The following LYPD6B variants were observed in gnomAD, a reference collection of about 807,000 sequenced individuals.
LYPD6B encodes LY6/PLAUR domain containing 6B.
In LYPD6B, 17 loss-of-function variants were observed where a neutral mutation model predicts 22.8. The ratio of observed to expected loss-of-function variants is 0.75; its 90% confidence interval spans 0.51 to 1.12. LYPD6B has a LOEUF of 1.12. LYPD6B is among the 50% of genes most tolerant of loss of function. The pLI, the probability that LYPD6B is intolerant of heterozygous loss-of-function variation, is 0.00. For synonymous variants in LYPD6B, 106 were observed against 91.6 expected, an observed-to-expected ratio of 1.16 and a Z score of -0.90; for missense variants, 221 against 258.3, an observed-to-expected ratio of 0.86 and a Z score of 0.99.
chr2:149,213,193 G>A (rs1209732005), intron 6 of LYPD6B, 71 bp downstream of exon 6: 8 of 1,574,100 alleles, frequency 5.1e-6, no homozygotes, highest in Non-Finnish European at 6.9e-6. Flanking sequence ...TCAAAGGAGA[G>A]GCAGGAAGGA....
At chr2:149,189,914 T>C (rs193153634) in intron 3 of LYPD6B, among the ~76,000 whole-genome samples, 1 of 152,326 alleles carries the variant, frequency 6.6e-6, no homozygotes, top group Admixed American at 6.5e-5. Context: ...AAGTCATTGG[T>C]CCATTAGAGA....
At chr2:149,118,446 T>G (rs1230523128) in intron 1 of LYPD6B, among the ~76,000 whole-genome samples, 1 of 152,222 alleles carries the variant, frequency 6.6e-6, no homozygotes, top group African/African-American at 2.4e-5. Flanking sequence ...CGAGTAAGGC[T>G]CTCAGGGCAG....
intron 3 of LYPD6B, among the ~76,000 whole-genome samples, chr2:149,187,268 C>T (rs1692175571): frequency 6.6e-6 from 1 of 152,056 alleles, no homozygotes; most frequent in South Asian, 2.1e-4. Context: ...TGGTAATTTC[C>T]AGAAACATGT....
intron 2 of LYPD6B, among the ~76,000 whole-genome samples, chr2:149,146,257 G>A (rs1312133880): frequency 6.6e-6 from 1 of 152,178 alleles, no homozygotes; most frequent in African/African-American, 2.4e-5. Context: ...CCTTTATTAG[G>A]TGGAGTTAAT....
intron 2 of LYPD6B, among the ~76,000 whole-genome samples, chr2:149,160,156 CA>C (rs201785489): frequency 1.1e-4 from 17 of 148,974 alleles, no homozygotes; most frequent in East Asian, 2.0e-4. Context: ...CATCTCTTAC[CA>C]AAAAAAAAGG....
chr2:149,171,126 C>T (rs1003260100), intron 3 of LYPD6B, among the ~76,000 whole-genome samples: 2 of 152,138 alleles, frequency 1.3e-5, no homozygotes, highest in African/African-American at 4.8e-5. Flanking sequence ...CTCTGGGACT[C>T]TCAGATAAGG....
intron 2 of LYPD6B, among the ~76,000 whole-genome samples, chr2:149,146,398 T>A (rs1211918199): frequency 6.6e-6 from 1 of 151,932 alleles, no homozygotes; most frequent in African/African-American, 2.4e-5. Context: ...CCAGAGGCTC[T>A]GCGGAAGGAT....
chr2:149,064,843 C>T (rs1684250885), intron 1 of LYPD6B, among the ~76,000 whole-genome samples: 1 of 152,202 alleles, frequency 6.6e-6, no homozygotes, highest in Admixed American at 6.5e-5. Context: ...AACGTGGAGG[C>T]CTCTCAGCCA....
At chr2:149,096,719 C>T in intron 1 of LYPD6B, among the ~76,000 whole-genome samples, 1 of 152,018 alleles carries the variant, frequency 6.6e-6, no homozygotes, top group East Asian at 1.9e-4. Context: ...TGTCTTTTTC[C>T]TAAGCTTACT....
At chr2:149,120,574 G>A (rs1376578951) in intron 1 of LYPD6B, among the ~76,000 whole-genome samples, 2 of 147,622 alleles carry the variant, frequency 1.4e-5, no homozygotes, top group African/African-American at 2.5e-5. Flanking sequence ...TAGTAGAGAC[G>A]GGGTTTCACC....
chr2:149,097,319 G>A (rs1300568951), intron 1 of LYPD6B, among the ~76,000 whole-genome samples: 1 of 152,206 alleles, frequency 6.6e-6, no homozygotes, highest in East Asian at 1.9e-4. Flanking sequence ...TGCTTAAATT[G>A]CAGTCTTCCC....
At chr2:149,127,096 A>G (rs1687744310) in intron 1 of LYPD6B, among the ~76,000 whole-genome samples, 1 of 151,482 alleles carries the variant, frequency 6.6e-6, no homozygotes, top group South Asian at 2.1e-4. Context: ...TCATTTTCTT[A>G]AAGTCTCTTT....
chr2:149,043,760 G>T (rs1205503201), intron 1 of LYPD6B, among the ~76,000 whole-genome samples: 1 of 152,026 alleles, frequency 6.6e-6, no homozygotes, highest in Non-Finnish European at 1.5e-5. Flanking sequence ...CATGTTTTAT[G>T]TTTTACACTT....
intron 1 of LYPD6B, among the ~76,000 whole-genome samples, chr2:149,079,365 AT>A (rs1685020685): frequency 6.6e-6 from 1 of 152,202 alleles, no homozygotes; most frequent in African/African-American, 2.4e-5. Context: ...GCCATACCTG[AT>A]CCATAATAAC....
At chr2:149,153,897 A>C (rs1450445628) in intron 2 of LYPD6B, 1 of 156,972 alleles carries the variant, frequency 6.4e-6, no homozygotes, top group Non-Finnish European at 1.4e-5. Flanking sequence ...TTTGCAGGGC[A>C]CAGCTGATGC....
At chr2:149,208,090 C>A (rs1575182835) in intron 4 of LYPD6B, among the ~76,000 whole-genome samples, 2 of 152,214 alleles carry the variant, frequency 1.3e-5, no homozygotes, top group East Asian at 3.9e-4. Context: ...ACTTTCATCA[C>A]TCTATAGTGG....
intron 1 of LYPD6B, among the ~76,000 whole-genome samples, chr2:149,060,786 G>A (rs1372351869): frequency 6.6e-6 from 1 of 152,094 alleles, no homozygotes; most frequent in East Asian, 1.9e-4. Context: ...CTTCCAAAAG[G>A]GTAGGAGCAC....
At chr2:149,068,693 C>T in intron 1 of LYPD6B, 1 of 550,548 alleles carries the variant, frequency 1.8e-6, no homozygotes, top group Non-Finnish European at 3.6e-6. Flanking sequence ...GGTTGGCATG[C>T]ATTTGACTTC....
chr2:149,057,601 T>C (rs1683864249), intron 1 of LYPD6B, among the ~76,000 whole-genome samples: 1 of 152,070 alleles, frequency 6.6e-6, no homozygotes. Context: ...TGTTGGCTTC[T>C]CTCTTGCAGC....
Sources: gnomAD v4.1 joint callset for allele counts (sites outside exome capture counted in the v4.1 genomes callset) on GRCh38, gnomAD v4.1.1 for gene constraint, MANE v1.5 for transcripts, NCBI Gene and HGNC (gene_info 2026-07-23, HGNC 2026-07-21) for gene names.